CCSER1: variants seen among roughly 807,000 people sequenced by gnomAD.
The protein encoded by CCSER1 is coiled-coil serine rich protein 1, also known as serine-rich coiled-coil domain-containing protein 1.
A neutral mutation model predicts 82.0 loss-of-function variants in CCSER1; 41 were observed. That is an observed-to-expected ratio of 0.50 (90% CI 0.39 to 0.65). The LOEUF is 0.65. Ranked by LOEUF, CCSER1 falls within the 30% of genes least tolerant of loss-of-function variation. The pLI, the probability that CCSER1 is intolerant of heterozygous loss-of-function variation, is 0.00. For synonymous variants in CCSER1, 414 were observed against 383.9 expected (o/e 1.08, Z -0.92); for missense variants, 1,119 against 1,064.2 (o/e 1.05, Z -0.72).
chr4:91,195,827 C>A (rs1228700368), intron 10 of CCSER1, among the ~76,000 whole-genome samples: 1 of 152,166 alleles, frequency 6.6e-6, no homozygotes, highest in Non-Finnish European at 1.5e-5. Context: ...TGTTGCTCCA[C>A]TGCAGACTTT....
chr4:90,902,490 T>C (rs1392614625), intron 8 of CCSER1, among the ~76,000 whole-genome samples: 1 of 152,080 alleles, frequency 6.6e-6, no homozygotes, highest in Non-Finnish European at 1.5e-5. Context: ...CCTTGAATGC[T>C]TGAATGTGTG....
rs188719346 is a variant in CCSER1, at chr4:91,255,552, G to C, written c.2217+169558G>C. 9.8e-4 allele frequency among the ~76,000 whole-genome samples: 149 copies of C among 152,262 alleles called. No homozygotes were observed. In the South Asian group the frequency reaches 0.017, roughly 17 times the overall value. On this transcript the variant is annotated intron_variant, in intron 10 of 10. Transcript: ENST00000509176. ...GACTGAGGTATAAATTCAGGATTCT[G>C]ATTTATTCAAGTTATTAGAACAATA...
At chr4:90,795,284 T>C in intron 7 of CCSER1, among the ~76,000 whole-genome samples, 1 of 100,714 alleles carries the variant, frequency 9.9e-6, no homozygotes, top group Non-Finnish European at 2.1e-5. Context: ...CAAAACTCTG[T>C]CTCAAAAAAA....
intron 9 of CCSER1, among the ~76,000 whole-genome samples, chr4:90,936,836 T>A (rs1476962333): frequency 6.6e-6 from 1 of 152,324 alleles, no homozygotes; most frequent in Non-Finnish European, 1.5e-5. Flanking sequence ...GTCTTAAAGA[T>A]TTTGCAGACC....
chr4:90,233,371 G>C (rs1455167207), intron 1 of CCSER1, among the ~76,000 whole-genome samples: 1 of 151,784 alleles, frequency 6.6e-6, no homozygotes, highest in Non-Finnish European at 1.5e-5. Flanking sequence ...ACTATCACAA[G>C]AACAAAAAAC....
At chr4:91,250,225 G>A (rs1454569445) in intron 10 of CCSER1, among the ~76,000 whole-genome samples, 7 of 149,978 alleles carry the variant, frequency 4.7e-5, no homozygotes, top group African/African-American at 1.7e-4. Context: ...CAGATGGCTT[G>A]AAAAAAAAAT....
At chr4:91,196,586 C>T (rs925813923) in intron 10 of CCSER1, among the ~76,000 whole-genome samples, 1 of 152,182 alleles carries the variant, frequency 6.6e-6, no homozygotes, top group African/African-American at 2.4e-5. Flanking sequence ...ATGTATTAGG[C>T]ATTACTGTAA....
chr4:90,237,333 C>T (rs534766752), intron 1 of CCSER1, among the ~76,000 whole-genome samples: 5 of 152,190 alleles, frequency 3.3e-5, no homozygotes, highest in South Asian at 4.2e-4. Flanking sequence ...TTAATGTTTT[C>T]GTTTCCTTTT....
chr4:91,083,239 T>G (rs1379043221), intron 9 of CCSER1, among the ~76,000 whole-genome samples: 1 of 152,042 alleles, frequency 6.6e-6, no homozygotes, highest in Non-Finnish European at 1.5e-5. Flanking sequence ...CCATAAAAAA[T>G]GATGAGTTCA....
At chr4:90,213,910 T>C (rs1203236682) in intron 1 of CCSER1, among the ~76,000 whole-genome samples, 1 of 152,006 alleles carries the variant, frequency 6.6e-6, no homozygotes, top group African/African-American at 2.4e-5. Flanking sequence ...ACAGAAAGGA[T>C]GAGAGATGCT....
rs1465881304 is a variant in CCSER1 at position 90,140,666 on chromosome 4, T to C, written c.-42+12835T>C. On this transcript the variant is annotated intron_variant, in intron 1 of 10. Transcript: ENST00000509176. ...AGGTATTTTTGGTCTACTTTTTTTT[T>C]TTTTTTTTTTTTTTTTTGAGACGGA... is the stretch of plus-strand genomic sequence containing the variant. Among the ~76,000 whole-genome samples, 5 of 134,860 alleles carry C rather than the reference T, an allele frequency of 3.7e-5. No homozygotes were observed. The South Asian group carries it at 1.3e-3, about 35-fold the overall frequency. 88.5% of individuals were successfully genotyped at this position (134,860 alleles called of 152,430 possible).
intron 1 of CCSER1, among the ~76,000 whole-genome samples, chr4:90,295,866 T>A (rs1731789932): frequency 6.6e-6 from 1 of 152,036 alleles, no homozygotes; most frequent in Non-Finnish European, 1.5e-5. Context: ...TTTCTTTCTT[T>A]AATCAGCTTC....
intron 3 of CCSER1, among the ~76,000 whole-genome samples, chr4:90,363,857 A>G (rs1287765989): frequency 6.6e-6 from 1 of 152,100 alleles, no homozygotes; most frequent in Non-Finnish European, 1.5e-5. Context: ...ATTTTCCTAT[A>G]GATACATGTT....
At chr4:90,416,359 T>G (rs1755786374) in intron 4 of CCSER1, among the ~76,000 whole-genome samples, 1 of 152,090 alleles carries the variant, frequency 6.6e-6, no homozygotes, top group African/African-American at 2.4e-5. Flanking sequence ...TCATTCAAAA[T>G]AAAGAAACTA....
At chr4:91,191,778 T>C (rs1254461746) in intron 10 of CCSER1, among the ~76,000 whole-genome samples, 3 of 152,216 alleles carry the variant, frequency 2.0e-5, no homozygotes, top group African/African-American at 7.2e-5. Context: ...AGTGTGTCTT[T>C]GTTGCATCCG....
chr4:91,006,878 A>C (rs890784492), intron 9 of CCSER1, among the ~76,000 whole-genome samples: 1 of 152,130 alleles, frequency 6.6e-6, no homozygotes, highest in Non-Finnish European at 1.5e-5. Flanking sequence ...AGATCTTTCA[A>C]CTTTTTCCTG....
intron 3 of CCSER1, among the ~76,000 whole-genome samples, chr4:90,366,326 A>G (rs1841625): frequency 0.46 from 69,851 of 151,432 alleles, 16,654 homozygotes; most frequent in South Asian, 0.58. Flanking sequence ...TTGTGTGTGT[A>G]TTTTCTCTTT....
intron 10 of CCSER1, among the ~76,000 whole-genome samples, chr4:91,147,710 C>A (rs1729687753): frequency 6.6e-6 from 1 of 152,064 alleles, no homozygotes; most frequent in African/African-American, 2.4e-5. Flanking sequence ...AGGCAGCCAG[C>A]AAAACTCTAT....
chr4:91,160,751 T>C (rs890724610), intron 10 of CCSER1, among the ~76,000 whole-genome samples: 1 of 151,798 alleles, frequency 6.6e-6, no homozygotes, highest in Non-Finnish European at 1.5e-5. Context: ...TTGTTGTTGT[T>C]GTTGTTTTTT....
Sources: allele counts gnomAD v4.1 joint callset (sites outside exome capture counted in the v4.1 genomes callset), GRCh38; gene constraint gnomAD v4.1.1; transcripts MANE v1.5; gene names NCBI Gene and HGNC (gene_info 2026-07-23, HGNC 2026-07-21).